IPO8: variants seen among roughly 807,000 people sequenced by gnomAD.
The protein encoded by IPO8 is importin-8.
In IPO8, 65 loss-of-function variants were observed where a neutral mutation model predicts 141.2. The ratio of observed to expected loss-of-function variants is 0.46; its 90% CI spans 0.38 to 0.57. The LOEUF (loss-of-function observed/expected upper bound fraction) is 0.57, where lower values mean the gene tolerates loss of function less well. IPO8 is among the 20% of genes least tolerant of loss of function. The pLI, the probability that IPO8 is intolerant of heterozygous loss-of-function variation, is 0.00. For synonymous variants in IPO8, 411 were observed against 420.3 expected (o/e 0.98, Z 0.27); for missense variants, 980 against 1,246.8 (o/e 0.79, Z 3.22).
chr12:30,670,687 G>A (rs2053034716), intron 9 of IPO8, among the ~76,000 whole-genome samples: 1 of 152,098 alleles, frequency 6.6e-6, no homozygotes, highest in Non-Finnish European at 1.5e-5. Context: ...AAAACACTAT[G>A]TGCCTTAATA....
In IPO8 at chr12:30,690,597, T is replaced by A. The variant is rs566632811; in HGVS notation, c.85-20A>T. The A allele has an allele frequency of 2.2e-6, 3 of 1,384,210 alleles. No individual in the cohort carries two copies. Among genetic ancestry groups the A allele is most frequent in the Admixed American group, 3.9e-5 (2 of 51,036 alleles). 85.7% of individuals were successfully genotyped at this position (1,384,210 alleles called of 1,614,324 possible). On this transcript the variant is annotated intron_variant, in intron 1 of 24. Transcript: ENST00000256079. ...GTAGGACTGAAATTACAAAGAAATGTTTTATAAAATAGGGCAATATAAGTG... is the reference window on the plus strand; with the variant it reads ...GTAGGACTGAAATTACAAAGAAATGATTTATAAAATAGGGCAATATAAGTG...
chr12:30,649,583 C>T (rs2052697141), intron 19 of IPO8, among the ~76,000 whole-genome samples: 1 of 152,116 alleles, frequency 6.6e-6, no homozygotes, highest in East Asian at 1.9e-4. Context: ...TTTTTCTGTT[C>T]CTTTTGAATC....
At position 30,681,662 on chromosome 12, in the gene IPO8, T is replaced by C. The variant is rs751464523; in HGVS notation, c.479A>G (p.Tyr160Cys). The change falls in exon 4 of 25, where the codon TAT becomes TGT. Residue 160 changes from tyrosine to cysteine, a missense_variant. Around this residue, in one of 3 missense-constraint regions of IPO8, gnomAD observed 924 missense variants for 1,153.9 expected, o/e 0.80. Coordinates refer to ENST00000256079, the MANE Select transcript of IPO8 (RefSeq NM_006390.4). ...LLCLYQLVKT[Y>C]EYKKAEEREP... is the part of the protein sequence containing the mutation. ...CAGCCAATGGAAACCAACTTACTCA[T>C]ATGTCTTCACCAGTTGATACAGGCA... The C allele has an allele frequency of 1.2e-6, 2 of 1,610,054 alleles. No homozygotes were observed. The highest frequency in any genetic ancestry group is 8.5e-7 in the Non-Finnish European group (1 of 1,178,502).
Position 30,695,360 on chromosome 12 carries a change from AG to A in IPO8, c.84+203del. Among the ~76,000 whole-genome samples, 1 of 152,314 alleles carries A rather than the reference AG, an allele frequency of 6.6e-6. No individual in the cohort carries two copies. Among genetic ancestry groups the A allele is most frequent in the South Asian group, 2.1e-4 (1 of 4,826 alleles). ...ACGAAAAGGTGCAAAGGTGGCCAACAGGTGCGCGAGCTGTTCGGCAAAGATC... is the reference window on the plus strand; with the variant it reads ...ACGAAAAGGTGCAAAGGTGGCCAACAGTGCGCGAGCTGTTCGGCAAAGATC... On this transcript the variant is annotated intron_variant, in intron 1 of 24. Coordinates refer to ENST00000256079, the MANE Select transcript of IPO8 (RefSeq NM_006390.4). The surrounding 1 kb of genome is among the most constrained non-coding windows in gnomAD (Gnocchi z 4.2).
intron 3 of IPO8, among the ~76,000 whole-genome samples, chr12:30,683,279 C>T (rs1313925294): frequency 6.6e-6 from 1 of 152,124 alleles, no homozygotes; most frequent in Admixed American, 6.5e-5. Flanking sequence ...TCTTTTTAAC[C>T]AGTACACCTA....
rs764093648 is a variant in IPO8 at position 30,695,411 on chromosome 12, G to C, written c.84+153C>G. Reference sequence around the variant, plus strand: ...CCTGGGAGCCCTGCTCCACTGGACCGGGGGGCAGCGGGGTCGGAGAGCGGG... The same window carrying C: ...CCTGGGAGCCCTGCTCCACTGGACCCGGGGGCAGCGGGGTCGGAGAGCGGG... On this transcript the variant is annotated intron_variant, in intron 1 of 24. Transcript: ENST00000256079. The surrounding 1 kb of genome is among the most constrained non-coding windows in gnomAD (Gnocchi z 4.2). Among the ~76,000 whole-genome samples the C allele has an allele frequency of 6.6e-6, 1 of 152,198 alleles. No individual in the cohort carries two copies. The highest frequency in any genetic ancestry group is 2.4e-5 in the African/African-American group (1 of 41,464).
chr12:30,670,007 T>A (rs1032552407), intron 9 of IPO8, among the ~76,000 whole-genome samples: 4 of 152,214 alleles, frequency 2.6e-5, no homozygotes, highest in African/African-American at 9.6e-5. Context: ...ATCAGCGTTT[T>A]CTTATTCCTA....
intron 1 of IPO8, among the ~76,000 whole-genome samples, chr12:30,692,320 CCT>C (rs2053298265): frequency 6.6e-6 from 1 of 152,142 alleles, no homozygotes; most frequent in Non-Finnish European, 1.5e-5. Context: ...TTTTGAAACT[CCT>C]CTTTTTGCAA....
At position 30,680,620 on chromosome 12, in the gene IPO8, C is replaced by G. The variant is rs777248031; in HGVS notation, c.501G>C (p.Glu167Asp). The change falls in exon 5 of 25, where the codon GAG becomes GAC. Residue 167 changes from glutamate (E) to aspartate (D), a missense_variant. Coordinates refer to ENST00000256079, the MANE Select transcript of IPO8 (RefSeq NM_006390.4). ...GCATTGCTATTATAAGAGGTTCTCT[C>G]TCTTCTGCTTTCTTATATCTACATG... ...VKTYEYKKAE[E>D]REPLIIAMQI... 4 of 1,610,568 alleles carry G rather than the reference C, an allele frequency of 2.5e-6. No individual in the cohort carries two copies. Among genetic ancestry groups the G allele is most frequent in the Non-Finnish European group, 1.7e-6 (2 of 1,178,842 alleles).
intron 11 of IPO8, 60 bp downstream of exon 11, chr12:30,666,115 G>T: frequency 2.0e-6 from 2 of 1,002,962 alleles, no homozygotes; most frequent in East Asian, 4.8e-5. Flanking sequence ...GGATATACTA[G>T]AGTATCAACT....
At chr12:30,667,921 A>C (rs11051016) in intron 10 of IPO8, among the ~76,000 whole-genome samples, 1,554 of 152,252 alleles carry the variant, frequency 0.01, 36 homozygotes, top group East Asian at 0.084. Flanking sequence ...AGGATCACTT[A>C]AGCCAGGAGT....
Position 30,695,657 on chromosome 12 carries a change from T to G in IPO8, c.-10A>C, listed in dbSNP as rs183478060. The stretch of plus-strand genomic sequence containing the variant: ...TCCGGTTGAGGTCCATCTCCCCGGG[T>G]GGGGGCTCCGCGGCCCCCGGAACAG... On this transcript the variant is annotated 5_prime_UTR_variant, in exon 1 of 25. Coordinates refer to ENST00000256079, the MANE Select transcript of IPO8 (RefSeq NM_006390.4). The surrounding 1 kb of genome is among the most constrained non-coding windows in gnomAD (Gnocchi z 4.2). 4.0e-4 allele frequency: 649 copies of G among 1,612,506 alleles called. 10 individuals are homozygous for G. In the East Asian group the frequency reaches 0.013, roughly 31 times the overall value.
intron 19 of IPO8, 148 bp from the exon 20 acceptor site, chr12:30,649,380 T>C: frequency 4.0e-6 from 2 of 499,194 alleles, no homozygotes; most frequent in East Asian, 3.2e-5. Flanking sequence ...CAAAGAAGAA[T>C]GGTCAAAATA....
intron 2 of IPO8, 53 bp from the exon 3 acceptor site, chr12:30,684,510 T>A: frequency 6.4e-7 from 1 of 1,572,316 alleles, no homozygotes; most frequent in Admixed American, 1.7e-5. Context: ...ATGGCTTTAA[T>A]TCAGCCTTAC....
chr12:30,686,256 A>G (rs1377457421), intron 2 of IPO8: 1 of 152,224 alleles, frequency 6.6e-6, no homozygotes, highest in East Asian at 1.9e-4. Context: ...AAGAGTACAC[A>G]TTCCATAAAA....
chr12:30,657,742 T>A (rs1268919438), intron 16 of IPO8, among the ~76,000 whole-genome samples: 2 of 152,098 alleles, frequency 1.3e-5, no homozygotes, highest in African/African-American at 2.4e-5. Context: ...ATATATAACT[T>A]TATTGATTGA....
intron 3 of IPO8, 133 bp downstream of exon 3, chr12:30,684,168 T>C (rs1249536423): frequency 2.0e-5 from 14 of 691,642 alleles, no homozygotes; most frequent in Non-Finnish European, 3.1e-5. Context: ...TAATATTCTT[T>C]GAGTGTCCCT....
In IPO8 at chr12:30,655,385, G is replaced by A. The variant is rs549451255; in HGVS notation, c.1948+1299C>T. Among the ~76,000 whole-genome samples the A allele has an allele frequency of 3.3e-5, 5 of 152,110 alleles. No homozygotes were observed. In the East Asian group the frequency reaches 7.7e-4, roughly 24 times the overall value. On this transcript the variant is annotated intron_variant, in intron 17 of 24. Coordinates refer to ENST00000256079, the MANE Select transcript of IPO8 (RefSeq NM_006390.4). ...AAATTGTATCTATGATTTATACACC[G>A]TTTTGAAATATATGTATTTTGTGGA...
intron 13 of IPO8, 48 bp from the exon 14 acceptor site, chr12:30,663,702 T>C: frequency 7.4e-7 from 1 of 1,356,118 alleles, no homozygotes; most frequent in Non-Finnish European, 1.0e-6. Flanking sequence ...ATTATAGCAT[T>C]CTGTAATAAT....
Sources: gnomAD v4.1 joint callset for allele counts (sites outside exome capture counted in the v4.1 genomes callset) on GRCh38, gnomAD v4.1.1 for gene constraint, gnomAD v4.1.1 regional missense constraint, Gnocchi (gnomAD v3.1) non-coding constraint, MANE v1.5 for transcripts, NCBI Gene and HGNC (gene_info 2026-07-23, HGNC 2026-07-21) for gene names.